Variants in VTA1 observed in about 807,000 individuals in gnomAD.
VTA1 encodes the protein vacuolar protein sorting-associated protein VTA1 homolog.
A neutral mutation model predicts 36.9 loss-of-function variants in VTA1; 24 were observed. The observed-to-expected ratio is 0.65, with a 90% confidence interval of 0.47 to 0.91. The LOEUF (loss-of-function observed/expected upper bound fraction) is 0.91. Among genes scored for constraint, VTA1 ranks in the 40% least tolerant of loss-of-function variants. VTA1 has a pLI of 0.00. For synonymous variants in VTA1, 142 were observed against 130.2 expected, an observed-to-expected ratio of 1.09 and a Z score of -0.62; for missense variants, 393 against 377.2, an observed-to-expected ratio of 1.04 and a Z score of -0.35.
chr6:142,171,939 T>C (rs1775035485), intron 4 of VTA1, among the ~76,000 whole-genome samples: 1 of 152,216 alleles, frequency 6.6e-6, no homozygotes, highest in Non-Finnish European at 1.5e-5. Context: ...CTCTCTAAGC[T>C]TGATGAGTAT....
intron 7 of VTA1, among the ~76,000 whole-genome samples, chr6:142,212,472 T>C (rs1775922618): frequency 6.6e-6 from 1 of 151,210 alleles, no homozygotes; most frequent in South Asian, 2.1e-4. Context: ...AGGCAAACTA[T>C]AGAGGGGGTA....
rs762749831 is a variant in VTA1, at chr6:142,189,538, T to C, written c.520+4T>C. The stretch of plus-strand genomic sequence containing the variant: ...GTTGGAATTGAAGAAGATAATGGTA[T>C]GTATTTATTTATTCTGAGTAAAAGG... On this transcript the variant is annotated splice_donor_region_variant and intron_variant, in intron 5 of 7. Transcript: ENST00000367630. The C allele has an allele frequency of 1.3e-6, 2 of 1,569,802 alleles. No individual in the cohort carries two copies. Among genetic ancestry groups the C allele is most frequent in the Non-Finnish European group, 1.7e-6 (2 of 1,148,470 alleles).
rs1289995773 is a variant in VTA1, at chr6:142,170,412, C to T, written c.402C>T (p.Leu134=). Residue 134 remains leucine, a synonymous_variant, in exon 4 of 8, where the codon CTC becomes CTT. Transcript: ENST00000367630. The part of the protein sequence containing the change: ...LIDVITVFGE[L]TDENVKHRKY... ...ATGTCATAACAGTATTTGGAGAACTCACTGATGAAGTGAGTGTACATTCTT... is the reference window on the plus strand; with the variant it reads ...ATGTCATAACAGTATTTGGAGAACTTACTGATGAAGTGAGTGTACATTCTT... The T allele has an allele frequency of 6.3e-7, 1 of 1,597,380 alleles. No individual in the cohort carries two copies. Among genetic ancestry groups the T allele is most frequent in the Non-Finnish European group, 8.5e-7 (1 of 1,169,884 alleles).
At chr6:142,189,829 T>G (rs1331114917) in intron 5 of VTA1, among the ~76,000 whole-genome samples, 1 of 152,118 alleles carries the variant, frequency 6.6e-6, no homozygotes, top group Non-Finnish European at 1.5e-5. Flanking sequence ...CAGTCTCTGC[T>G]CACTGGGAGC....
chr6:142,160,682 T>G (rs901424810), intron 1 of VTA1, among the ~76,000 whole-genome samples: 3 of 152,180 alleles, frequency 2.0e-5, no homozygotes, highest in Non-Finnish European at 2.9e-5. Flanking sequence ...CCAGGTATCA[T>G]GGTCTTCCTC....
rs767065477 is a variant in VTA1, at chr6:142,147,295, C to T, written c.8C>T (p.Ala3Val). ...GGTGAGTTCGGAGTAGAGATGGCCG[C>T]GCTTGCACCGCTGCCCCCGCTCCCC... MA[A>V]LAPLPPLPAQ... The change falls in exon 1 of 8, where the codon GCG becomes GTG. Residue 3 changes from alanine (A) to valine (V), a missense_variant. Transcript: ENST00000367630. 4.3e-6 allele frequency: 7 copies of T among 1,614,174 alleles called. No homozygotes were observed. Among genetic ancestry groups the T allele is most frequent in the East Asian group, 4.5e-5 (2 of 44,882 alleles).
At chr6:142,200,341 G>C (rs1775655621) in intron 6 of VTA1, among the ~76,000 whole-genome samples, 1 of 151,888 alleles carries the variant, frequency 6.6e-6, no homozygotes, top group African/African-American at 2.4e-5. Flanking sequence ...GGAAAGTCAA[G>C]GTATTTAATG....
Position 142,198,475 on chromosome 6 carries a change from TGCCCACTCA to T in VTA1, c.561_569del (p.Thr191_Pro193del), listed in dbSNP as rs1437317201. 12 of 1,614,116 alleles carry T rather than the reference TGCCCACTCA, an allele frequency of 7.4e-6. No homozygotes were observed. Among genetic ancestry groups the T allele is most frequent in the Non-Finnish European group, 9.3e-6 (11 of 1,179,974 alleles). On this transcript the variant is annotated inframe_deletion, in exon 6 of 8. Transcript: ENST00000367630. ...AATGAAGATGCTGGAGCAGCCTCTC[TGCCCACTCA>T]GCCAACTCAGCCATCATCATCTTCA...
intron 4 of VTA1, among the ~76,000 whole-genome samples, chr6:142,173,222 G>T (rs1775059837): frequency 6.6e-6 from 1 of 152,214 alleles, no homozygotes; most frequent in Non-Finnish European, 1.5e-5. Flanking sequence ...CAGGTAAGTG[G>T]ATTGTTTTGA....
rs1233644186 is a variant in VTA1, at chr6:142,220,059, A to G, written c.*1416A>G. On this transcript the variant is annotated 3_prime_UTR_variant, in exon 8 of 8. Coordinates refer to ENST00000367630, the MANE Select transcript of VTA1 (RefSeq NM_016485.5). ...TTTATATCCATTATTTTCTGCATAAATGTAATGCTATTGTACAGGGTTTGG... is the reference window on the plus strand; with the variant it reads ...TTTATATCCATTATTTTCTGCATAAGTGTAATGCTATTGTACAGGGTTTGG... 6.6e-6 allele frequency: 1 copy of G among 152,208 alleles called. No individual in the cohort carries two copies. Among genetic ancestry groups the G allele is most frequent in the Non-Finnish European group, 1.5e-5 (1 of 68,038 alleles). 9.4% of individuals were successfully genotyped at this position (152,208 alleles called of 1,614,324 possible).
chr6:142,158,032 TAA>T (rs1196260627), intron 1 of VTA1, among the ~76,000 whole-genome samples: 4 of 139,984 alleles, frequency 2.9e-5, no homozygotes, highest in Admixed American at 7.2e-5. Flanking sequence ...AAATAGAAGT[TAA>T]AAAAAAAAAA....
chr6:142,186,864 GA>G (rs1775350970), intron 4 of VTA1, among the ~76,000 whole-genome samples: 1 of 152,060 alleles, frequency 6.6e-6, no homozygotes, highest in Admixed American at 6.6e-5. Context: ...ATGTTTGTAT[GA>G]ATCTGGTAGG....
At chr6:142,171,135 C>G (rs951960397) in intron 4 of VTA1, among the ~76,000 whole-genome samples, 3 of 151,812 alleles carry the variant, frequency 2.0e-5, no homozygotes, top group Non-Finnish European at 2.9e-5. Flanking sequence ...GCTCTTGTTG[C>G]CCAGGCTGGA....
chr6:142,154,892 G>A (rs553027706), intron 1 of VTA1, among the ~76,000 whole-genome samples: 1 of 152,018 alleles, frequency 6.6e-6, no homozygotes, highest in South Asian at 2.1e-4. Flanking sequence ...AGATATTGTT[G>A]AGAAAATTAC....
At chr6:142,182,311 GAGA>G (rs1168189938) in intron 4 of VTA1, among the ~76,000 whole-genome samples, 1 of 152,208 alleles carries the variant, frequency 6.6e-6, no homozygotes, top group African/African-American at 2.4e-5. Flanking sequence ...AATCCAGAAT[GAGA>G]AGGAGTGATA....
intron 4 of VTA1, among the ~76,000 whole-genome samples, chr6:142,188,180 A>G (rs1040530953): frequency 2.9e-5 from 4 of 135,652 alleles, no homozygotes; most frequent in Non-Finnish European, 6.3e-5. Context: ...AAGTGCTAGG[A>G]TTACAGGCAT....
At chr6:142,151,767 C>T (rs1228657652) in intron 1 of VTA1, among the ~76,000 whole-genome samples, 3 of 152,252 alleles carry the variant, frequency 2.0e-5, no homozygotes, top group African/African-American at 7.2e-5. Context: ...AGCACGGTGG[C>T]TCATGCCTGT....
At chr6:142,188,499 C>T (rs1214056738) in intron 4 of VTA1, among the ~76,000 whole-genome samples, 1 of 152,068 alleles carries the variant, frequency 6.6e-6, no homozygotes, top group Non-Finnish European at 1.5e-5. Flanking sequence ...AGGCATGAGC[C>T]ACCGTGCCTG....
In VTA1 at chr6:142,147,334, G is replaced by C. The variant is rs756168931; in HGVS notation, c.47G>C (p.Ser16Thr). The change falls in exon 1 of 8, where the codon AGC becomes ACC. Residue 16 changes from serine (S) to threonine (T), a missense_variant. Ser to Thr is a moderately conservative substitution (Grantham distance 58). Transcript: ENST00000367630. ...CCCCCGCTCCCCGCACAGTTCAAGA[G>C]CATACAGCATCATCTGAGGACGGCT... ...PLPPLPAQFK[S>T]IQHHLRTAQE... 15 of 1,614,120 alleles carry C rather than the reference G, an allele frequency of 9.3e-6. No individual in the cohort carries two copies. The South Asian group carries it at 1.6e-4, about 18-fold the overall frequency.
Sources: gnomAD v4.1 joint callset for allele counts (sites outside exome capture counted in the v4.1 genomes callset) on GRCh38, gnomAD v4.1.1 for gene constraint, MANE v1.5 for transcripts, NCBI Gene and HGNC (gene_info 2026-07-23, HGNC 2026-07-21) for gene names.